The following MYCBP2 variants were observed in gnomAD, a reference collection of about 807,000 sequenced individuals.
MYCBP2 encodes the protein E3 ubiquitin-protein ligase MYCBP2.
A neutral mutation model predicts 525.3 loss-of-function variants in MYCBP2; 120 were observed. That is an observed-to-expected ratio of 0.23 (90% CI 0.20 to 0.27). The LOEUF is 0.27. Ranked by LOEUF, MYCBP2 falls within the 10% of genes least tolerant of loss-of-function variation. MYCBP2 has a pLI of 1.00. For synonymous variants in MYCBP2, 1,894 were observed against 1,955.8 expected, an observed-to-expected ratio of 0.97 and a Z score of 0.83; for missense variants, 4,149 against 5,657.1, an observed-to-expected ratio of 0.73 and a Z score of 8.55.
rs535993765 is a variant in MYCBP2, at chr13:77,110,776, T to C, written c.8140+10597A>G. Among the ~76,000 whole-genome samples, 88 of 152,240 alleles carry C rather than the reference T, an allele frequency of 5.8e-4. 1 individual carries two copies. The South Asian group carries it at 6.4e-3, about 11-fold the overall frequency. On this transcript the variant is annotated intron_variant, in intron 55 of 82. Transcript: ENST00000544440. ...TTAGGGAAAATAGAAAGAACCTACG[T>C]TGAAATATTGGGGGCGGGTTCCCCC...
chr13:77,182,134 C>T (rs1349245704), intron 32 of MYCBP2, among the ~76,000 whole-genome samples: 1 of 152,058 alleles, frequency 6.6e-6, no homozygotes, highest in Non-Finnish European at 1.5e-5. Context: ...AAAATTAAGT[C>T]TGGTCAAGAA....
chr13:77,260,579 C>T lies in MYCBP2; in HGVS notation c.1866G>A (p.Arg622=). ...GEDGESTKSR[R]QSKPYKPKKI... is the part of the protein sequence containing the mutation. ...TTTTAGGTTTATAAGGTTTGGATTGCCGTCTGCTCTTAGCTTTAAAAAAGA... is the reference window on the plus strand; with the variant it reads ...TTTTAGGTTTATAAGGTTTGGATTGTCGTCTGCTCTTAGCTTTAAAAAAGA... The change falls in exon 13 of 83, where the codon CGG becomes CGA. Residue 622 remains arginine (R), a synonymous_variant. Transcript: ENST00000544440. The T allele has an allele frequency of 6.2e-7, 1 of 1,601,206 alleles. No individual in the cohort carries two copies. The highest frequency in any genetic ancestry group is 8.5e-7 in the Non-Finnish European group (1 of 1,176,184).
chr13:77,045,363 A>G lies in MYCBP2; in HGVS notation c.*15T>C. The stretch of plus-strand genomic sequence containing the variant: ...AAGGCAATTTTTCTCTCTGTAGACA[A>G]AGGATCTGCGTGTTCTAAAAAGTGT... On this transcript the variant is annotated 3_prime_UTR_variant, in exon 83 of 83. Coordinates refer to ENST00000544440, the MANE Select transcript of MYCBP2 (RefSeq NM_015057.5). 1.3e-6 allele frequency: 2 copies of G among 1,595,148 alleles called. No homozygotes were observed. Among genetic ancestry groups the G allele is most frequent in the South Asian group, 2.2e-5 (2 of 90,012 alleles).
At chr13:77,199,179 T>A (rs1353821342) in intron 26 of MYCBP2, among the ~76,000 whole-genome samples, 1 of 152,204 alleles carries the variant, frequency 6.6e-6, no homozygotes, top group African/African-American at 2.4e-5. Context: ...GGACAGTGGG[T>A]GTGCGCACCA....
intron 55 of MYCBP2, among the ~76,000 whole-genome samples, chr13:77,102,314 C>T (rs1676108110): frequency 6.6e-6 from 1 of 151,260 alleles, no homozygotes; most frequent in Non-Finnish European, 1.5e-5. Context: ...TTTATATTTC[C>T]TATTTATATG....
chr13:77,236,845 C>A (rs1043483883), intron 17 of MYCBP2, among the ~76,000 whole-genome samples: 2 of 151,710 alleles, frequency 1.3e-5, no homozygotes, highest in African/African-American at 2.4e-5. Context: ...CCAGCCTGGG[C>A]AACATAGCAA....
intron 52 of MYCBP2, among the ~76,000 whole-genome samples, chr13:77,138,738 G>T (rs1178468521): frequency 6.6e-6 from 1 of 152,166 alleles, no homozygotes; most frequent in Non-Finnish European, 1.5e-5. Context: ...AGTATTATAA[G>T]CCGAGAAGGA....
At chr13:77,065,873 C>CA in intron 72 of MYCBP2, 119 bp downstream of exon 72, 4 of 606,566 alleles carry the variant, frequency 6.6e-6, no homozygotes, top group Non-Finnish European at 8.5e-6. Context: ...TAACATACTA[C>CA]AAATAGTCTT....
At chr13:77,082,903 G>A in intron 63 of MYCBP2, 129 bp downstream of exon 63, 1 of 784,320 alleles carries the variant, frequency 1.3e-6, no homozygotes, top group South Asian at 2.5e-5. Flanking sequence ...TAAGGAGGGA[G>A]GCACCATCTA....
At chr13:77,178,058 G>T in intron 34 of MYCBP2, 104 bp from the exon 35 acceptor site, 1 of 707,216 alleles carries the variant, frequency 1.4e-6, no homozygotes, top group Non-Finnish European at 2.5e-6. Flanking sequence ...TTAATAAGTG[G>T]ATATAAACAT....
chr13:77,051,119 C>T lies in MYCBP2; in HGVS notation c.13799G>A (p.Arg4600His), dbSNP rs1229083309. ...AAAAACAGCCACTGAACAGCAGTAG[C>T]GACATTTATATTCCAAAAAGTCTGT... Reference protein sequence around the residue: ...HGTDFLEYKCRYCCSVAVFFC... With the variant: ...HGTDFLEYKCHYCCSVAVFFC... The change falls in exon 82 of 83, where the codon CGC (arginine) becomes CAC (histidine). Residue 4600 changes from arginine to histidine, a missense_variant. Coordinates refer to ENST00000544440, the MANE Select transcript of MYCBP2 (RefSeq NM_015057.5). 1.1e-5 allele frequency: 17 copies of T among 1,612,328 alleles called. No individual in the cohort carries two copies. The highest frequency in any genetic ancestry group is 2.7e-5 in the African/African-American group (2 of 74,676).
chr13:77,301,557 T>G (rs1416324133), intron 1 of MYCBP2, among the ~76,000 whole-genome samples: 1 of 151,068 alleles, frequency 6.6e-6, no homozygotes, highest in East Asian at 2.0e-4. Flanking sequence ...ATCAAACTCC[T>G]CATTCTATCT....
intron 13 of MYCBP2, among the ~76,000 whole-genome samples, chr13:77,258,884 A>C (rs545254358): frequency 5.2e-4 from 79 of 152,320 alleles, no homozygotes; most frequent in African/African-American, 1.8e-3. Flanking sequence ...GTAGAAAAAA[A>C]CAAAAAGAAA....
At chr13:77,155,710 T>C (rs2057130907) in intron 46 of MYCBP2, among the ~76,000 whole-genome samples, 1 of 152,174 alleles carries the variant, frequency 6.6e-6, no homozygotes, top group African/African-American at 2.4e-5. Context: ...TTCAAAACTA[T>C]ACACAAAATT....
intron 52 of MYCBP2, among the ~76,000 whole-genome samples, chr13:77,127,960 G>A (rs867026191): frequency 1.3e-5 from 2 of 151,820 alleles, no homozygotes; most frequent in South Asian, 2.1e-4. Flanking sequence ...TACATTTACT[G>A]TAATTATATT....
intron 52 of MYCBP2, among the ~76,000 whole-genome samples, chr13:77,135,968 T>G (rs138640240): frequency 0.01 from 1,587 of 152,222 alleles, 27 homozygotes; most frequent in African/African-American, 0.036. Flanking sequence ...CCTGAGTAGC[T>G]GGGACTATAG....
At chr13:77,244,500 A>G (rs2069512051) in intron 15 of MYCBP2, among the ~76,000 whole-genome samples, 1 of 152,228 alleles carries the variant, frequency 6.6e-6, no homozygotes, top group Admixed American at 6.5e-5. Flanking sequence ...CTTACACCTT[A>G]TACAAAAATT....
intron 34 of MYCBP2, among the ~76,000 whole-genome samples, 181 bp from the exon 35 acceptor site, chr13:77,178,135 C>A (rs2059883952): frequency 6.6e-6 from 1 of 152,192 alleles, no homozygotes; most frequent in Non-Finnish European, 1.5e-5. Context: ...TCTAAATTCA[C>A]AAATCAATGT....
In MYCBP2 at chr13:77,051,916, T is replaced by C. The variant is rs750809858; in HGVS notation, c.13650A>G (p.Ala4550=). ...CGCAGCGAGCTTCACCACCAAAATA[T>C]GCCTGTGGAGAAAACACATCTAGAT... The part of the protein sequence containing the change: ...AYYVCYKCRK[A]YFGGEARCDA... The change falls in exon 81 of 83, where the codon GCA becomes GCG. Residue 4550 remains alanine, a splice_region_variant and synonymous_variant. Coordinates refer to ENST00000544440, the MANE Select transcript of MYCBP2 (RefSeq NM_015057.5). The C allele has an allele frequency of 6.2e-7, 1 of 1,613,484 alleles. No homozygotes were observed. The highest frequency in any genetic ancestry group is 8.5e-7 in the Non-Finnish European group (1 of 1,179,520).
Sources: gnomAD v4.1 joint callset for allele counts (sites outside exome capture counted in the v4.1 genomes callset) on GRCh38, gnomAD v4.1.1 for gene constraint, MANE v1.5 for transcripts, NCBI Gene and HGNC (gene_info 2026-07-23, HGNC 2026-07-21) for gene names.